Variants in SCNN1B observed in about 807,000 individuals in gnomAD.
SCNN1B encodes the protein epithelial sodium channel subunit beta.
A neutral mutation model predicts 65.3 loss-of-function variants in SCNN1B; 46 were observed. The observed-to-expected ratio is 0.70, with a 90% confidence interval of 0.56 to 0.90. The LOEUF is 0.90. Ranked by LOEUF, SCNN1B falls within the 40% of genes least tolerant of loss-of-function variation. The pLI is 0.00. For synonymous variants in SCNN1B, 349 were observed against 330.6 expected (o/e 1.06, Z -0.60); for missense variants, 751 against 830.5 (o/e 0.90, Z 1.18).
chr16:23,365,243 T>C (rs1962624545), intron 4 of SCNN1B, among the ~76,000 whole-genome samples: 1 of 150,378 alleles, frequency 6.6e-6, no homozygotes, highest in Admixed American at 6.7e-5. Flanking sequence ...AGTGAACCAA[T>C]ATCACGCCAT....
chr16:23,369,588 C>T (rs1962741891), intron 5 of SCNN1B, among the ~76,000 whole-genome samples: 3 of 152,074 alleles, frequency 2.0e-5, no homozygotes, highest in Non-Finnish European at 4.4e-5. Context: ...GATCCCTCCT[C>T]CCATCTCTAG....
At chr16:23,372,523 C>A (rs1334171461) in intron 7 of SCNN1B, among the ~76,000 whole-genome samples, 1 of 145,240 alleles carries the variant, frequency 6.9e-6, no homozygotes, top group African/African-American at 2.6e-5. Context: ...GAGATGGAGT[C>A]TCACTCTGTC....
At chr16:23,323,490 T>C in intron 1 of SCNN1B, 1 of 702,332 alleles carries the variant, frequency 1.4e-6, no homozygotes, top group Non-Finnish European at 2.6e-6. Context: ...AGGTGCTTCA[T>C]ATTTACAATT....
At chr16:23,316,370 A>ATCACCATCC (rs1246014529) in intron 1 of SCNN1B, among the ~76,000 whole-genome samples, 1 of 148,832 alleles carries the variant, frequency 6.7e-6, no homozygotes, top group Non-Finnish European at 1.5e-5. Context: ...CATCATCACC[A>ATCACCATCC]TCACCATCCT....
At chr16:23,321,265 C>T (rs1596833400) in intron 1 of SCNN1B, among the ~76,000 whole-genome samples, 1 of 152,164 alleles carries the variant, frequency 6.6e-6, no homozygotes, top group Non-Finnish European at 1.5e-5. Context: ...TGATCTCGAA[C>T]TCTTACCCTC....
At chr16:23,296,801 A>G (rs1179027128) in intron 2 of SCNN1B, among the ~76,000 whole-genome samples, 1 of 152,022 alleles carries the variant, frequency 6.6e-6, no homozygotes, top group East Asian at 1.9e-4. Context: ...GGAGATCGGG[A>G]CCATTCTGGC....
intron 4 of SCNN1B, among the ~76,000 whole-genome samples, chr16:23,360,818 A>G (rs1294070040): frequency 6.6e-6 from 1 of 150,686 alleles, no homozygotes; most frequent in Non-Finnish European, 1.5e-5. Context: ...TTTTTGAGAC[A>G]GAGTCTCACT....
At chr16:23,307,197 G>A (rs1668031912) in intron 1 of SCNN1B, among the ~76,000 whole-genome samples, 2 of 152,028 alleles carry the variant, frequency 1.3e-5, no homozygotes, top group Non-Finnish European at 2.9e-5. Flanking sequence ...GTGCTGGGAG[G>A]GTTCGAAGAC....
chr16:23,332,116 C>T (rs1404694903), intron 1 of SCNN1B, among the ~76,000 whole-genome samples: 3 of 152,122 alleles, frequency 2.0e-5, no homozygotes, highest in African/African-American at 7.2e-5. Flanking sequence ...GCAGCCTCAA[C>T]CTCCTGGGCT....
At chr16:23,371,911 C>T (rs1208129835) in intron 7 of SCNN1B, 28 bp downstream of exon 7, 21 of 1,539,944 alleles carry the variant, frequency 1.4e-5, no homozygotes, top group Non-Finnish European at 1.9e-5. Flanking sequence ...GCCTCATGCC[C>T]CGGGGCCCCT....
Position 23,381,097 on chromosome 16 carries a change from T to C in SCNN1B, c.*296T>C. 2.2e-6 allele frequency: 1 copy of C among 461,612 alleles called. No homozygotes were observed. Among genetic ancestry groups the C allele is most frequent in the Non-Finnish European group, 4.0e-6 (1 of 250,548 alleles). 28.6% of individuals were successfully genotyped at this position (461,612 alleles called of 1,614,324 possible). On this transcript the variant is annotated 3_prime_UTR_variant, in exon 13 of 13. Coordinates refer to ENST00000343070, the MANE Select transcript of SCNN1B (RefSeq NM_000336.3). ...GACCCCTCGGAACACCCTCTCCTGG[T>C]GGCAGGCCACTTCCCTCCCAGTGCC...
At chr16:23,365,136 A>C (rs1051946620) in intron 4 of SCNN1B, among the ~76,000 whole-genome samples, 5 of 151,798 alleles carry the variant, frequency 3.3e-5, no homozygotes, top group Admixed American at 6.6e-5. Flanking sequence ...CAAAAACAAA[A>C]AAAAAAATAG....
chr16:23,323,201 T>TAA (rs889813713), intron 1 of SCNN1B, among the ~76,000 whole-genome samples: 14 of 134,706 alleles, frequency 1.0e-4, no homozygotes, highest in African/African-American at 1.6e-4. Context: ...TCCATCTCAA[T>TAA]AAAAAAAAAA....
In SCNN1B at chr16:23,380,279, G is replaced by T; in HGVS notation, c.1542+110G>T. 1.3e-6 allele frequency: 2 copies of T among 1,499,680 alleles called. No individual in the cohort carries two copies. The highest frequency in any genetic ancestry group is 2.3e-5 in the South Asian group (2 of 88,342). 92.9% of individuals were successfully genotyped at this position (1,499,680 alleles called of 1,614,324 possible). ...ATGAAGGAATTAGGAAGATCCCTAAGACAGTCCCAAGTTATTCCCCTGGGC... is the reference window on the plus strand; with the variant it reads ...ATGAAGGAATTAGGAAGATCCCTAATACAGTCCCAAGTTATTCCCCTGGGC... On this transcript the variant is annotated intron_variant, in intron 12 of 12. Transcript: ENST00000343070. This position sits in a 1 kb window ranked among gnomAD's most constrained non-coding sequence, Gnocchi z 5.4.
At chr16:23,334,467 A>G (rs1961894577) in intron 1 of SCNN1B, among the ~76,000 whole-genome samples, 1 of 152,144 alleles carries the variant, frequency 6.6e-6, no homozygotes, top group Admixed American at 6.5e-5. Context: ...ATGGCAGTGG[A>G]GGGCAGGCAG....
intron 1 of SCNN1B, among the ~76,000 whole-genome samples, chr16:23,318,185 G>C (rs951660288): frequency 1.3e-4 from 20 of 152,150 alleles, no homozygotes; most frequent in Middle Eastern, 3.2e-3. Context: ...TAGCAAAGTG[G>C]TTATGAGAGC....
chr16:23,321,802 C>T (rs903381630), intron 1 of SCNN1B, among the ~76,000 whole-genome samples: 2 of 152,130 alleles, frequency 1.3e-5, no homozygotes, highest in African/African-American at 4.8e-5. Context: ...GCAAGAGAAT[C>T]GCTTGAGTCC....
chr16:23,289,889 T>G (rs1206152165), intron 2 of SCNN1B, among the ~76,000 whole-genome samples: 18 of 152,070 alleles, frequency 1.2e-4, no homozygotes, highest in Non-Finnish European at 4.4e-5. Context: ...TTGGCCAGGC[T>G]GGTCTCGAAC....
At chr16:23,313,082 G>A (rs574820518) in intron 1 of SCNN1B, among the ~76,000 whole-genome samples, 2 of 152,298 alleles carry the variant, frequency 1.3e-5, no homozygotes, top group African/African-American at 4.8e-5. Context: ...AAGGTTTTAT[G>A]TGTTTTGTTT....
Sources: allele counts gnomAD v4.1 joint callset (sites outside exome capture counted in the v4.1 genomes callset), GRCh38; gene constraint gnomAD v4.1.1; non-coding constraint Gnocchi (gnomAD v3.1); transcripts MANE v1.5; gene names NCBI Gene and HGNC (gene_info 2026-07-23, HGNC 2026-07-21).